The following KCNH3 variants were observed in gnomAD, a reference collection of about 807,000 sequenced individuals.
The protein encoded by KCNH3 is voltage-gated inwardly rectifying potassium channel KCNH3.
A neutral mutation model predicts 95.6 loss-of-function variants in KCNH3; 36 were observed. The ratio of observed to expected loss-of-function variants is 0.38; its 90% confidence interval spans 0.29 to 0.50. The LOEUF is 0.50. Ranked by LOEUF, KCNH3 falls within the 20% of genes least tolerant of loss-of-function variation. The pLI is 0.95. For missense variants in KCNH3, 1,030 were observed against 1,484.1 expected, an observed-to-expected ratio of 0.69 and a Z score of 5.03; for synonymous variants, 620 against 646.3, an observed-to-expected ratio of 0.96 and a Z score of 0.62.
At chr12:49,546,435 G>A (rs1938063470) in intron 7 of KCNH3, among the ~76,000 whole-genome samples, 1 of 151,990 alleles carries the variant, frequency 6.6e-6, no homozygotes, top group Non-Finnish European at 1.5e-5. Context: ...GCAGGGGGAG[G>A]TGAGGCTGAG....
At chr12:49,549,714 G>A in intron 9 of KCNH3, 74 bp downstream of exon 9, 1 of 1,413,564 alleles carries the variant, frequency 7.1e-7, no homozygotes, top group Non-Finnish European at 9.7e-7. Flanking sequence ...ATTATCAGGA[G>A]TGGGGGAGGA....
At chr12:49,542,963 G>C in intron 4 of KCNH3, 124 bp downstream of exon 4, 1 of 1,288,224 alleles carries the variant, frequency 7.8e-7, no homozygotes, top group Non-Finnish European at 1.0e-6. Flanking sequence ...GCACTTTGGG[G>C]GTTGGGACTG....
At chr12:49,549,218 C>A in intron 8 of KCNH3, 45 bp downstream of exon 8, 1 of 1,538,082 alleles carries the variant, frequency 6.5e-7, no homozygotes, top group East Asian at 2.3e-5. Flanking sequence ...TCCCAGACTT[C>A]TGCCCGCAGG....
rs760775753 is a variant in KCNH3, at chr12:49,555,666, TGGA to T, written c.2188_2190del (p.Glu730del). 1.8e-5 allele frequency: 28 copies of T among 1,597,036 alleles called. No individual in the cohort carries two copies. Among genetic ancestry groups the T allele is most frequent in the Non-Finnish European group, 2.1e-5 (24 of 1,169,614 alleles). Reference sequence around the variant, plus strand: ...GGCGACAATACCCTTATGTCCACGCTGGAGGAGAAGGAGACAGATGGGGAGCAG... The same window carrying T: ...GGCGACAATACCCTTATGTCCACGCTGGAGAAGGAGACAGATGGGGAGCAG... On this transcript the variant is annotated inframe_deletion, in exon 12 of 15. Coordinates refer to ENST00000257981, the MANE Select transcript of KCNH3 (RefSeq NM_012284.3).
chr12:49,557,157 T>C, intron 13 of KCNH3, 26 bp from the exon 14 acceptor site: 1 of 1,613,268 alleles, frequency 6.2e-7, no homozygotes, highest in Non-Finnish European at 8.5e-7. Context: ...CAGCCCCAGC[T>C]GATAACCCCA....
Position 49,557,938 on chromosome 12 carries a change from A to C in KCNH3, c.3237A>C (p.Glu1079Asp), listed in dbSNP as rs1938539145. ...GCACAGTCCAGTGGACCCAGGAAGA[A>C]GGCACAGGGGTCTGAGTACCAGCCC... The part of the protein sequence containing the change: ...GSGTVQWTQE[E>D]GTGV Residue 1079 changes from glutamate to aspartate, a missense_variant, in exon 15 of 15, where the codon GAA becomes GAC. Coordinates refer to ENST00000257981, the MANE Select transcript of KCNH3 (RefSeq NM_012284.3). 1 of 1,507,204 alleles carries C rather than the reference A, an allele frequency of 6.6e-7. No homozygotes were observed. Among genetic ancestry groups the C allele is most frequent in the East Asian group, 2.3e-5 (1 of 43,792 alleles). 93.4% of individuals were successfully genotyped at this position (1,507,204 alleles called of 1,614,324 possible).
intron 7 of KCNH3, among the ~76,000 whole-genome samples, chr12:49,544,660 T>C (rs527384630): frequency 1.3e-5 from 2 of 152,200 alleles, no homozygotes; most frequent in African/African-American, 2.4e-5. Context: ...CCCTGCCCCG[T>C]TGGGAAGGCC....
Position 49,542,702 on chromosome 12 carries a change from G to A in KCNH3, c.446-4G>A, listed in dbSNP as rs750590684. On this transcript the variant is annotated splice_polypyrimidine_tract_variant and splice_region_variant and intron_variant, in intron 3 of 14. Coordinates refer to ENST00000257981, the MANE Select transcript of KCNH3 (RefSeq NM_012284.3). ...CATCTTCATGGGCCCCTCTTCTTTC[G>A]CAGGTGGTGGCCGGCGCCGATATGG... 1.8e-5 allele frequency: 28 copies of A among 1,569,424 alleles called. No homozygotes were observed. Among genetic ancestry groups the A allele is most frequent in the Admixed American group, 7.5e-5 (4 of 53,632 alleles).
intron 1 of KCNH3, 28 bp from the exon 2 acceptor site, chr12:49,540,871 G>A (rs754743462): frequency 4.4e-6 from 7 of 1,588,940 alleles, no homozygotes; most frequent in East Asian, 2.2e-5. Context: ...TTCACCCCAC[G>A]CCTCCTCTGA....
intron 9 of KCNH3, 76 bp downstream of exon 9, chr12:49,549,716 G>T (rs116944984): frequency 3.4e-5 from 47 of 1,398,508 alleles, no homozygotes; most frequent in Middle Eastern, 1.8e-4. Flanking sequence ...TATCAGGAGT[G>T]GGGGAGGATG....
At chr12:49,544,141 T>TGCCAACCCAA in intron 6 of KCNH3, 34 bp from the exon 7 acceptor site, 1 of 1,413,398 alleles carries the variant, frequency 7.1e-7, no homozygotes, top group Non-Finnish European at 9.7e-7. Flanking sequence ...CCCGCTGACC[T>TGCCAACCCAA]CCCTCCCTCC....
intron 3 of KCNH3, 104 bp from the exon 4 acceptor site, chr12:49,542,602 A>G (rs1224222984): frequency 7.5e-7 from 1 of 1,336,590 alleles, no homozygotes; most frequent in Non-Finnish European, 1.0e-6. Flanking sequence ...GTGGTCAATG[A>G]GCCAGACCAG....
rs1362867339 is a variant in KCNH3, at chr12:49,554,696, C to CTGG, written c.2136+143_2136+144insGGT. On this transcript the variant is annotated intron_variant, in intron 11 of 14. Coordinates refer to ENST00000257981, the MANE Select transcript of KCNH3 (RefSeq NM_012284.3). Reference sequence around the variant, plus strand: ...CCCACCTTGGGCAGGGGTCTACACCCTCTCTGCCCTTCCACACTCATGTGC... The same window carrying CTGG: ...CCCACCTTGGGCAGGGGTCTACACCCTGGTCTCTGCCCTTCCACACTCATGTGC... 4 of 703,670 alleles carry CTGG rather than the reference C, an allele frequency of 5.7e-6. No homozygotes were observed. The East Asian group carries it at 1.1e-4, about 19-fold the overall frequency. The allele number at this position is 703,670 out of a possible 1,614,324, so 43.6% of individuals were successfully genotyped here.
At chr12:49,552,744 T>C (rs1938305356) in intron 10 of KCNH3, among the ~76,000 whole-genome samples, 1 of 152,200 alleles carries the variant, frequency 6.6e-6, no homozygotes, top group Non-Finnish European at 1.5e-5. Context: ...GTCCTGTTTC[T>C]CATTTTCTCC....
At chr12:49,556,512 C>T in intron 13 of KCNH3, 36 bp downstream of exon 13, 1 of 1,463,584 alleles carries the variant, frequency 6.8e-7, no homozygotes, top group Non-Finnish European at 9.6e-7. Context: ...GTTGGTGGGG[C>T]AGCCCCTTTG....
intron 13 of KCNH3, 75 bp from the exon 14 acceptor site, chr12:49,557,108 G>A (rs1938487728): frequency 1.4e-6 from 2 of 1,407,630 alleles, no homozygotes; most frequent in Non-Finnish European, 1.0e-6. Flanking sequence ...CTCTAACTGG[G>A]GCAAGGCCTA....
intron 10 of KCNH3, among the ~76,000 whole-genome samples, chr12:49,552,422 A>G (rs1474161351): frequency 2.0e-5 from 3 of 152,132 alleles, no homozygotes; most frequent in Admixed American, 1.3e-4. Context: ...GTCACCTTCT[A>G]TATGTTTTGG....
In KCNH3 at chr12:49,550,251, G is replaced by T; in HGVS notation, c.1840G>T (p.Asp614Tyr). 1 of 1,610,036 alleles carries T rather than the reference G, an allele frequency of 6.2e-7. No individual in the cohort carries two copies. ...GGGCGAGTACCTCATCCACCAAGGC[G>T]ATGCCCTGCAGGCCCTCTACTTTGT... ...TPGEYLIHQG[D>Y]ALQALYFVCS... Residue 614 changes from aspartate (D) to tyrosine (Y), a missense_variant, in exon 10 of 15, where the codon GAT (aspartate) becomes TAT (tyrosine). Physicochemically the swap from Asp to Tyr is radical, Grantham distance 160. Transcript: ENST00000257981.
chr12:49,541,227 C>T, intron 2 of KCNH3, 95 bp downstream of exon 2: 2 of 888,578 alleles, frequency 2.3e-6, no homozygotes, highest in South Asian at 3.2e-5. Flanking sequence ...CTGTTGCCAT[C>T]TTCTCCATCT....
Sources: gnomAD v4.1 joint callset for allele counts (sites outside exome capture counted in the v4.1 genomes callset) on GRCh38, gnomAD v4.1.1 for gene constraint, MANE v1.5 for transcripts, NCBI Gene and HGNC (gene_info 2026-07-23, HGNC 2026-07-21) for gene names.